The following MIPEP variants were observed in gnomAD, a reference collection of about 807,000 sequenced individuals.
The protein encoded by MIPEP is mitochondrial intermediate peptidase.
Under a neutral mutation model 90.3 loss-of-function variants are expected in MIPEP, and 79 were observed. The observed-to-expected ratio is 0.87, with a 90% CI of 0.73 to 1.05. MIPEP has a LOEUF of 1.05. Ranked by LOEUF, MIPEP falls within the 50% of genes least tolerant of loss-of-function variation. MIPEP has a pLI of 0.00. For synonymous variants in MIPEP, 334 were observed against 315.8 expected (o/e 1.06, Z -0.61); for missense variants, 940 against 905.6 (o/e 1.04, Z -0.49).
intron 15 of MIPEP, among the ~76,000 whole-genome samples, chr13:23,808,308 CCAGGATGGTCTCGATCTCCTGATCT>C (rs990926662): frequency 6.6e-6 from 1 of 152,030 alleles, no homozygotes; most frequent in Non-Finnish European, 1.5e-5. Context: ...ACTGTGTTAG[CCAGGATGGTCTCGATCTCCTGATCT>C]CGTGATCCGC....
chr13:23,879,441 CCA>C (rs1402778408), intron 3 of MIPEP, 87 bp from the exon 4 acceptor site: 23 of 709,306 alleles, frequency 3.2e-5, no homozygotes, highest in Non-Finnish European at 5.1e-5. Context: ...TCAGCTTGTA[CCA>C]CACACATGCC....
intron 14 of MIPEP, among the ~76,000 whole-genome samples, chr13:23,821,412 C>T (rs931254417): frequency 6.6e-6 from 1 of 151,978 alleles, no homozygotes; most frequent in African/African-American, 2.4e-5. Context: ...ACTATAGAAT[C>T]CCACCAAGTC....
chr13:23,743,173 C>T (rs1952349424), intron 18 of MIPEP, among the ~76,000 whole-genome samples: 1 of 152,186 alleles, frequency 6.6e-6, no homozygotes, highest in Admixed American at 6.5e-5. Flanking sequence ...TCTAATAATT[C>T]ATCATAATAG....
chr13:23,885,830 T>C (rs1411238663), intron 2 of MIPEP, among the ~76,000 whole-genome samples: 3 of 151,062 alleles, frequency 2.0e-5, no homozygotes, highest in African/African-American at 7.3e-5. Context: ...ATCCCAGCAC[T>C]TTGGGAGGCC....
chr13:23,745,228 T>C (rs901601387), intron 18 of MIPEP, among the ~76,000 whole-genome samples: 1 of 152,244 alleles, frequency 6.6e-6, no homozygotes, highest in Non-Finnish European at 1.5e-5. Flanking sequence ...AGATAAACTA[T>C]TAAATGTAAA....
At chr13:23,777,436 G>T (rs1490211883) in intron 16 of MIPEP, among the ~76,000 whole-genome samples, 1 of 152,138 alleles carries the variant, frequency 6.6e-6, no homozygotes, top group Non-Finnish European at 1.5e-5. Context: ...AAAAGACAGT[G>T]AATTTCTGAA....
chr13:23,882,297 C>A (rs142816215), intron 2 of MIPEP, among the ~76,000 whole-genome samples: 2,963 of 152,126 alleles, frequency 0.019, 53 homozygotes, highest in Non-Finnish European at 0.023. Flanking sequence ...GGCTAAAATT[C>A]TTTGCAGTAT....
chr13:23,841,236 G>T, intron 11 of MIPEP, 99 bp downstream of exon 11: 1 of 1,104,208 alleles, frequency 9.1e-7, no homozygotes. Flanking sequence ...GACACACTCA[G>T]TCAGGGCAAA....
intron 11 of MIPEP, among the ~76,000 whole-genome samples, chr13:23,840,865 G>A (rs964741215): frequency 2.6e-5 from 4 of 152,158 alleles, no homozygotes; most frequent in South Asian, 2.1e-4. Flanking sequence ...TGATTGCTAG[G>A]TTTGAAGTTA....
chr13:23,730,695 C>T (rs1428964817), intron 18 of MIPEP, among the ~76,000 whole-genome samples: 1 of 152,110 alleles, frequency 6.6e-6, no homozygotes, highest in African/African-American at 2.4e-5. Context: ...AAATATATTT[C>T]CTAAGGGCTA....
At chr13:23,745,219 G>A (rs1040066470) in intron 18 of MIPEP, among the ~76,000 whole-genome samples, 1 of 152,096 alleles carries the variant, frequency 6.6e-6, no homozygotes, top group Non-Finnish European at 1.5e-5. Flanking sequence ...TTAATGTAAA[G>A]ATAAACTATT....
chr13:23,868,576 C>T (rs1399310062), intron 7 of MIPEP, among the ~76,000 whole-genome samples: 3 of 151,998 alleles, frequency 2.0e-5, no homozygotes, highest in Non-Finnish European at 4.4e-5. Flanking sequence ...ACAATGCCTC[C>T]TCCTCCCTCT....
At chr13:23,756,248 G>A (rs1437729763) in intron 18 of MIPEP, among the ~76,000 whole-genome samples, 1 of 152,208 alleles carries the variant, frequency 6.6e-6, no homozygotes, top group Admixed American at 6.5e-5. Context: ...TCTGCCTCCT[G>A]GGTTTAAGTG....
At chr13:23,857,648 A>G (rs185980710) in intron 10 of MIPEP, among the ~76,000 whole-genome samples, 2 of 152,340 alleles carry the variant, frequency 1.3e-5, no homozygotes, top group East Asian at 3.9e-4. Context: ...TTAGGACACA[A>G]TTATGCCTTG....
In MIPEP at chr13:23,869,544, T is replaced by G; in HGVS notation, c.787-96A>C. On this transcript the variant is annotated intron_variant, in intron 6 of 18. Coordinates refer to ENST00000382172, the MANE Select transcript of MIPEP (RefSeq NM_005932.4). Reference sequence around the variant, plus strand: ...TCATGCTCACCACTTGATCTGCAGATGATCACTGCTTTCAAAATAAAGCAA... The same window carrying G: ...TCATGCTCACCACTTGATCTGCAGAGGATCACTGCTTTCAAAATAAAGCAA... 9 of 1,109,292 alleles carry G rather than the reference T, an allele frequency of 8.1e-6. No homozygotes were observed. The South Asian group carries it at 1.7e-4, about 21-fold the overall frequency. The allele number at this position is 1,109,292 out of a possible 1,614,324, so 68.7% of individuals were successfully genotyped here. A position where few individuals can be genotyped will look rare whatever the true frequency, so the allele number is the denominator to read the frequency against.
At chr13:23,819,618 A>C (rs1953281314) in intron 14 of MIPEP, among the ~76,000 whole-genome samples, 1 of 152,156 alleles carries the variant, frequency 6.6e-6, no homozygotes, top group South Asian at 2.1e-4. Context: ...CAAAACATCT[A>C]ATCCCGAAGT....
chr13:23,777,526 G>C (rs1033331703), intron 16 of MIPEP, among the ~76,000 whole-genome samples: 3 of 152,154 alleles, frequency 2.0e-5, no homozygotes, highest in Admixed American at 2.0e-4. Flanking sequence ...TTAATTTCCT[G>C]GGTTTGACGG....
chr13:23,846,853 G>A (rs9510892), intron 10 of MIPEP, among the ~76,000 whole-genome samples: 7 of 96,944 alleles, frequency 7.2e-5, no homozygotes, highest in East Asian at 2.4e-4. Context: ...TGATGATGAT[G>A]GTAACTAACA....
In MIPEP at chr13:23,754,615, C is replaced by T. The variant is rs116098939; in HGVS notation, c.2044+1930G>A. On this transcript the variant is annotated intron_variant, in intron 18 of 18. Transcript: ENST00000382172. Reference sequence around the variant, plus strand: ...TTCTGGGAAGCCGACTAGAAAAGCACACCAGCCAAAAGATAAACACTGAAA... The same window carrying T: ...TTCTGGGAAGCCGACTAGAAAAGCATACCAGCCAAAAGATAAACACTGAAA... Among the ~76,000 whole-genome samples the T allele has an allele frequency of 1.5e-3, 228 of 152,302 alleles. 1 individual carries two copies. Among genetic ancestry groups the T allele is most frequent in the African/African-American group, 5.0e-3 (209 of 41,562 alleles).
Sources: gnomAD v4.1 joint callset for allele counts (sites outside exome capture counted in the v4.1 genomes callset) on GRCh38, gnomAD v4.1.1 for gene constraint, MANE v1.5 for transcripts, NCBI Gene and HGNC (gene_info 2026-07-23, HGNC 2026-07-21) for gene names.